Variants in ANKRD36 observed in about 807,000 individuals in gnomAD.
ANKRD36 encodes ankyrin repeat domain-containing protein 36A.
In ANKRD36, 179 loss-of-function variants were observed where a neutral mutation model predicts 278.1. The ratio of observed to expected loss-of-function variants is 0.64; its 90% CI spans 0.57 to 0.73. The LOEUF is 0.73. Among genes scored for constraint, ANKRD36 ranks in the 30% least tolerant of loss-of-function variants. The pLI is 0.00. For missense variants in ANKRD36, 1,159 were observed against 1,956.7 expected (o/e 0.59, Z 7.69); for synonymous variants, 320 against 641.1 (o/e 0.50, Z 7.57).
chr2:97,156,544 A>G (rs1246890609), intron 15 of ANKRD36, among the ~76,000 whole-genome samples: 2 of 136,602 alleles, frequency 1.5e-5, no homozygotes, highest in South Asian at 2.3e-4. Flanking sequence ...TACAAAGGAC[A>G]TGAACTCATC....
At chr2:97,152,061 T>G in intron 13 of ANKRD36, 122 bp downstream of exon 13, 2 of 807,296 alleles carry the variant, frequency 2.5e-6, no homozygotes, top group Non-Finnish European at 3.9e-6. Context: ...GGTGCGATCT[T>G]GGCTCACTGC....
chr2:97,233,032 G>C (rs1236730938), intron 67 of ANKRD36, among the ~76,000 whole-genome samples: 12 of 151,400 alleles, frequency 7.9e-5, no homozygotes, highest in Non-Finnish European at 1.6e-4. Flanking sequence ...AAAGATGATG[G>C]TGTTTCTGTT....
intron 67 of ANKRD36, among the ~76,000 whole-genome samples, chr2:97,229,251 A>G (rs2071046092): frequency 6.6e-6 from 1 of 151,608 alleles, no homozygotes; most frequent in Non-Finnish European, 1.5e-5. Flanking sequence ...AAAGTCTCCC[A>G]TTATTATTGT....
intron 48 of ANKRD36, among the ~76,000 whole-genome samples, chr2:97,202,870 G>GA (rs540757988): frequency 3.3e-5 from 5 of 151,792 alleles, no homozygotes; most frequent in Admixed American, 6.6e-5. Flanking sequence ...AGGAAGGGGT[G>GA]AAAAGAGGAA....
At chr2:97,155,774 T>C (rs1396815704) in intron 15 of ANKRD36, among the ~76,000 whole-genome samples, 1 of 146,490 alleles carries the variant, frequency 6.8e-6, no homozygotes, top group Admixed American at 6.8e-5. Context: ...CCTGCATTAC[T>C]ATGAGCCACT....
At chr2:97,216,697 A>C in intron 62 of ANKRD36, 1 of 325,540 alleles carries the variant, frequency 3.1e-6, no homozygotes, top group Non-Finnish European at 5.6e-6. Context: ...GTGTACATTC[A>C]ACTGAAGTGT....
At chr2:97,260,388 A>G (rs144578849) in intron 75 of ANKRD36, among the ~76,000 whole-genome samples, 22,862 of 128,292 alleles carry the variant, frequency 0.18, 2,617 homozygotes, top group African/African-American at 0.43. Context: ...ATACACACAT[A>G]TATACATACA....
intron 69 of ANKRD36, among the ~76,000 whole-genome samples, chr2:97,242,445 G>A (rs1576554042): frequency 6.7e-6 from 1 of 149,492 alleles, no homozygotes; most frequent in East Asian, 2.0e-4. Flanking sequence ...ATTCTTTATT[G>A]TTTAATTAAA....
chr2:97,203,816 G>A (rs922840206), intron 48 of ANKRD36, among the ~76,000 whole-genome samples: 4 of 151,722 alleles, frequency 2.6e-5, no homozygotes, highest in African/African-American at 9.7e-5. Flanking sequence ...ATATTGACAC[G>A]GTTTTATTTT....
At chr2:97,153,533 A>G (rs938900508) in intron 14 of ANKRD36, among the ~76,000 whole-genome samples, 14 of 151,966 alleles carry the variant, frequency 9.2e-5, no homozygotes, top group African/African-American at 3.1e-4. Flanking sequence ...TCAGGTGGAG[A>G]ACCTGAAATT....
In ANKRD36 at chr2:97,204,830, A is replaced by C. The variant is rs559469499; in HGVS notation, c.3061+567A>C. On this transcript the variant is annotated intron_variant, in intron 50 of 75. Coordinates refer to ENST00000420699, the MANE Select transcript of ANKRD36 (RefSeq NM_001354587.1). The stretch of plus-strand genomic sequence containing the variant: ...AGATGCATTTGGAATATTTTCATAA[A>C]AAATATTTGATTTTCGCTGCTCCAG... Among the ~76,000 whole-genome samples the C allele has an allele frequency of 1.3e-5, 2 of 151,608 alleles. 1 individual carries two copies. The highest frequency in any genetic ancestry group is 1.3e-4 in the Admixed American group (2 of 15,160).
chr2:97,221,524 G>T (rs1236308141), intron 66 of ANKRD36, among the ~76,000 whole-genome samples: 6 of 122,798 alleles, frequency 4.9e-5, no homozygotes, highest in African/African-American at 2.1e-4. Flanking sequence ...TTCTCTGATG[G>T]CCAGTGATGA....
intron 66 of ANKRD36, among the ~76,000 whole-genome samples, chr2:97,224,376 C>G (rs2153658697): frequency 6.6e-6 from 1 of 151,708 alleles, no homozygotes; most frequent in African/African-American, 2.4e-5. Flanking sequence ...AAATATTATA[C>G]TAAAGATTAA....
At chr2:97,207,599 T>G (rs1485356493) in intron 52 of ANKRD36, among the ~76,000 whole-genome samples, 3 of 151,536 alleles carry the variant, frequency 2.0e-5, no homozygotes, top group Non-Finnish European at 4.4e-5. Context: ...TCATACCATG[T>G]TTGAAATTCT....
chr2:97,214,938 G>A lies in ANKRD36; in HGVS notation c.3572-363G>A, dbSNP rs1328789425. ...CGGATATCTTGCATGAAAGTCATGC[G>A]GGTGCATGTACCACCTGCTTTGACA... On this transcript the variant is annotated intron_variant, in intron 60 of 75. Coordinates refer to ENST00000420699, the MANE Select transcript of ANKRD36 (RefSeq NM_001354587.1). Among the ~76,000 whole-genome samples, 12 of 148,922 alleles carry A rather than the reference G, an allele frequency of 8.1e-5. No individual in the cohort carries two copies. The East Asian group carries it at 1.3e-3, about 16-fold the overall frequency.
At chr2:97,210,271 C>G (rs1229912293) in intron 56 of ANKRD36, among the ~76,000 whole-genome samples, 1 of 151,790 alleles carries the variant, frequency 6.6e-6, no homozygotes, top group Non-Finnish European at 1.5e-5. Flanking sequence ...AACCCGTGTA[C>G]AGTGTAGGAG....
chr2:97,190,889 A>G, intron 34 of ANKRD36, 89 bp from the exon 35 acceptor site: 1 of 1,547,234 alleles, frequency 6.5e-7, no homozygotes, highest in Middle Eastern at 2.4e-4. Context: ...AGGCAGAAGG[A>G]TACAGCTGGA....
At position 97,149,232 on chromosome 2, in the gene ANKRD36, C is replaced by T. The variant is rs187297498; in HGVS notation, c.1035-63C>T. On this transcript the variant is annotated intron_variant, in intron 11 of 75. Transcript: ENST00000420699. ...GAGTGGACATACGTGTATAGACTGA[C>T]GGTTTTTGTTTTCTTTTAAGAAATG... 3.9e-5 allele frequency: 54 copies of T among 1,391,424 alleles called. No individual in the cohort carries two copies. The Middle Eastern group carries it at 5.4e-4, about 14-fold the overall frequency. 86.2% of individuals were successfully genotyped at this position (1,391,424 alleles called of 1,614,324 possible).
rs1299043788 is a variant in ANKRD36 at position 97,113,862 on chromosome 2, A to C, written c.123A>C (p.Leu41Phe). 12 of 1,613,208 alleles carry C rather than the reference A, an allele frequency of 7.4e-6. No individual in the cohort carries two copies. Among genetic ancestry groups the C allele is most frequent in the East Asian group, 2.3e-5 (1 of 44,252 alleles). ...TGAAGAGGATCCACAGAGCTGTCTTACATGGTAATCTAGAGAAACTGAAGT... is the reference window on the plus strand; with the variant it reads ...TGAAGAGGATCCACAGAGCTGTCTTCCATGGTAATCTAGAGAAACTGAAGT... ...YHLKRIHRAV[L>F]HGNLEKLKYL... Residue 41 changes from leucine to phenylalanine, a missense_variant, in exon 1 of 76, where the codon TTA (leucine) becomes TTC (phenylalanine). Physicochemically the swap from Leu to Phe is conservative, Grantham distance 22 (BLOSUM62 0). Coordinates refer to ENST00000420699, the MANE Select transcript of ANKRD36 (RefSeq NM_001354587.1).
Sources: gnomAD v4.1 joint callset for allele counts (sites outside exome capture counted in the v4.1 genomes callset) on GRCh38, gnomAD v4.1.1 for gene constraint, MANE v1.5 for transcripts, NCBI Gene and HGNC (gene_info 2026-07-23, HGNC 2026-07-21) for gene names.